Variants in PIGG observed in about 807,000 individuals in gnomAD.
PIGG encodes GPI ethanolamine phosphate transferase 2, catalytic subunit.
A neutral mutation model predicts 83.2 loss-of-function variants in PIGG; 70 were observed. The ratio of observed to expected loss-of-function variants is 0.84; its 90% CI spans 0.69 to 1.03. PIGG has a LOEUF of 1.03. Among genes scored for constraint, PIGG ranks in the 50% least tolerant of loss-of-function variants. The probability of loss-of-function intolerance (pLI) is 0.00; values close to 1 mark genes in which losing one functional copy is unlikely to be tolerated. For missense variants in PIGG, 1,257 were observed against 1,233.6 expected (o/e 1.02, Z -0.28); for synonymous variants, 532 against 519.5 (o/e 1.02, Z -0.33).
intron 6 of PIGG, among the ~76,000 whole-genome samples, chr4:520,119 C>A (rs1309695685): frequency 6.6e-6 from 1 of 152,242 alleles, no homozygotes; most frequent in African/African-American, 2.4e-5. Context: ...GCAGCTCTTT[C>A]ACTGCTGTGA....
Position 528,591 on chromosome 4 carries a change from C to T in PIGG, c.2261+1361C>T, listed in dbSNP as rs569758827. On this transcript the variant is annotated intron_variant, in intron 10 of 12. Coordinates refer to ENST00000453061, the MANE Select transcript of PIGG (RefSeq NM_001127178.3). This position sits in a 1 kb window ranked among gnomAD's most constrained non-coding sequence, Gnocchi z 4.8. ...GAGGATGCTGACGTGCAGGTACCAG[C>T]GGTGTTCTGTGGAGATGTCTCAAAG... The T allele has an allele frequency of 1.8e-5, 18 of 985,340 alleles. No individual in the cohort carries two copies. The East Asian group carries it at 1.7e-3, about 93-fold the overall frequency. 61.0% of individuals were successfully genotyped at this position (985,340 alleles called of 1,614,324 possible).
chr4:501,291 A>T (rs1214209293), intron 2 of PIGG: 12 of 372,538 alleles, frequency 3.2e-5, no homozygotes, highest in African/African-American at 2.5e-4. Flanking sequence ...GTCTTTAGAT[A>T]TACAGCCACT....
At chr4:510,846 T>C (rs1721647023) in intron 5 of PIGG, among the ~76,000 whole-genome samples, 1 of 151,836 alleles carries the variant, frequency 6.6e-6, no homozygotes, top group South Asian at 2.1e-4. Flanking sequence ...CCCAGTCTTC[T>C]CTCCCTCCCC....
intron 2 of PIGG, among the ~76,000 whole-genome samples, 158 bp downstream of exon 2, chr4:500,759 G>A (rs149166634): frequency 4.6e-5 from 7 of 152,282 alleles, no homozygotes; most frequent in South Asian, 2.1e-4. Context: ...AGCCTCACAC[G>A]GGATGGAACT....
rs779043705 is a variant in PIGG at position 521,274 on chromosome 4, G to A, written c.1332+1G>A. ...GGTGGGGACTGTCGTGGTTTTGGAG[G>A]TACAGATGCTCACACAGTCATGGCT... On this transcript the variant is annotated splice_donor_variant, in intron 7 of 12. Transcript: ENST00000453061. LOFTEE classifies it high-confidence loss of function. The A allele has an allele frequency of 1.2e-6, 2 of 1,604,400 alleles. No homozygotes were observed. Among genetic ancestry groups the A allele is most frequent in the South Asian group, 1.1e-5 (1 of 90,864 alleles).
chr4:507,632 T>C (rs1553880560), intron 4 of PIGG, 39 bp downstream of exon 4: 1 of 1,534,678 alleles, frequency 6.5e-7, no homozygotes. Flanking sequence ...TGATGTGGTT[T>C]CACGTGGATG....
At chr4:531,026 C>A (rs1481050135) in intron 11 of PIGG, 2 of 415,344 alleles carry the variant, frequency 4.8e-6, no homozygotes, top group South Asian at 8.5e-5. Context: ...ACAGACATCA[C>A]GTTGTTCACT....
chr4:521,950 G>C lies in PIGG; in HGVS notation c.1614+9G>C, dbSNP rs188737876. 9.7e-5 allele frequency: 156 copies of C among 1,613,728 alleles called. 1 individual carries two copies. Among genetic ancestry groups the C allele is most frequent in the Non-Finnish European group, 6.8e-5 (80 of 1,179,804 alleles). ...GAAACACCCCAAGGAAGGTACGTAC[G>C]GCTGGTTCCTGGGAGTGTGACGTAG... On this transcript the variant is annotated intron_variant, in intron 8 of 12. Transcript: ENST00000453061.
At chr4:512,707 C>A (rs1245481464) in intron 5 of PIGG, among the ~76,000 whole-genome samples, 23 of 151,896 alleles carry the variant, frequency 1.5e-4, no homozygotes, top group African/African-American at 5.5e-4. Flanking sequence ...CCCAGCTACT[C>A]AGGACGCTGA....
At chr4:505,615 A>T in intron 2 of PIGG, 103 bp from the exon 3 acceptor site, 1 of 775,090 alleles carries the variant, frequency 1.3e-6, no homozygotes, top group Non-Finnish European at 2.1e-6. Flanking sequence ...CCTGAGCAAC[A>T]GAGAGGGACC....
At position 505,713 on chromosome 4, in the gene PIGG, TGCA is replaced by T; in HGVS notation, c.361-3_361-1del. 6.2e-7 allele frequency: 1 copy of T among 1,611,518 alleles called. No homozygotes were observed. Among genetic ancestry groups the T allele is most frequent in the Non-Finnish European group, 8.5e-7 (1 of 1,178,052 alleles). On this transcript the variant is annotated splice_acceptor_variant and splice_polypyrimidine_tract_variant and intron_variant, in intron 2 of 12. Transcript: ENST00000453061. LOFTEE classifies it high-confidence loss of function. ...TGGCCTAATTCTTGCATTTTCTGACTGCAGGCATTGATGACGGGGAGCCTTCCT... is the reference window on the plus strand; with the variant it reads ...TGGCCTAATTCTTGCATTTTCTGACTGGCATTGATGACGGGGAGCCTTCCT...
intron 9 of PIGG, among the ~76,000 whole-genome samples, chr4:526,717 C>CTTTTT (rs34114111): frequency 7.3e-6 from 1 of 137,604 alleles, no homozygotes; most frequent in Non-Finnish European, 1.6e-5. Flanking sequence ...AGTTAACTGT[C>CTTTTT]TTTTTTTTTT....
chr4:507,756 A>C (rs556654902), intron 4 of PIGG, among the ~76,000 whole-genome samples, 163 bp downstream of exon 4: 9 of 152,330 alleles, frequency 5.9e-5, no homozygotes, highest in Middle Eastern at 3.4e-3. Flanking sequence ...CTCAGTGTCC[A>C]CTGCACTGAC....
intron 4 of PIGG, 140 bp downstream of exon 4, chr4:507,733 C>A (rs571375911): frequency 7.1e-6 from 5 of 702,986 alleles, no homozygotes; most frequent in African/African-American, 5.4e-5. Context: ...GCATGCCACA[C>A]GGGCAGCACT....
At position 521,855 on chromosome 4, in the gene PIGG, G is replaced by A. The variant is rs1560334774; in HGVS notation, c.1528G>A (p.Gly510Arg). The A allele has an allele frequency of 5.0e-6, 8 of 1,614,212 alleles. No individual in the cohort carries two copies. The East Asian group carries it at 1.6e-4, about 31-fold the overall frequency. Reference sequence around the variant, plus strand: ...TGGCCTCTCGTGGCTGGCGGCAGGTGGGGTGATGGTGCTGGCCTCGGCGCT... The same window carrying A: ...TGGCCTCTCGTGGCTGGCGGCAGGTAGGGTGATGGTGCTGGCCTCGGCGCT... ...FCGLSWLAAG[G>R]VMVLASALLC... The change falls in exon 8 of 13, where the codon GGG becomes AGG. Residue 510 changes from glycine (G) to arginine (R), a missense_variant. Gly to Arg is a moderately radical substitution (Grantham distance 125). Coordinates refer to ENST00000453061, the MANE Select transcript of PIGG (RefSeq NM_001127178.3).
Position 528,606 on chromosome 4 carries a change from A to C in PIGG, c.2261+1376A>C. The C allele has an allele frequency of 1.0e-6, 1 of 985,358 alleles. No homozygotes were observed. Among genetic ancestry groups the C allele is most frequent in the Non-Finnish European group, 1.2e-6 (1 of 829,912 alleles). The allele number at this position is 985,358 out of a possible 1,614,324, so 61.0% of individuals were successfully genotyped here. A position where few individuals can be genotyped will look rare whatever the true frequency, so the allele number is the denominator to read the frequency against. ...CAGGTACCAGCGGTGTTCTGTGGAG[A>C]TGTCTCAAAGGCTGTTGACTTTGGA... is the stretch of plus-strand genomic sequence containing the variant. On this transcript the variant is annotated intron_variant, in intron 10 of 12. Coordinates refer to ENST00000453061, the MANE Select transcript of PIGG (RefSeq NM_001127178.3). This position sits in a 1 kb window ranked among gnomAD's most constrained non-coding sequence, Gnocchi z 4.8.
At chr4:521,518 T>C in intron 7 of PIGG, 142 bp from the exon 8 acceptor site, 1 of 825,878 alleles carries the variant, frequency 1.2e-6, no homozygotes, top group Non-Finnish European at 1.9e-6. Flanking sequence ...TTGGGGCAGT[T>C]AATTAGGAAT....
rs80270036 is a variant in PIGG, at chr4:529,320, A to G, written c.2262-1116A>G. Among the ~76,000 whole-genome samples the G allele has an allele frequency of 6.6e-3, 1,009 of 152,066 alleles. 17 individuals are homozygous for G. The highest frequency in any genetic ancestry group is 0.023 in the African/African-American group (973 of 41,430). Reference sequence around the variant, plus strand: ...CTATAATTCACTCTTAACTTAGCACACACCTTGGCCTGTGGGGGTTGCCAG... The same window carrying G: ...CTATAATTCACTCTTAACTTAGCACGCACCTTGGCCTGTGGGGGTTGCCAG... On this transcript the variant is annotated intron_variant, in intron 10 of 12. Coordinates refer to ENST00000453061, the MANE Select transcript of PIGG (RefSeq NM_001127178.3).
At chr4:538,347 G>A (rs1038275589) in intron 12 of PIGG, among the ~76,000 whole-genome samples, 2 of 152,176 alleles carry the variant, frequency 1.3e-5, no homozygotes, top group Non-Finnish European at 2.9e-5. Context: ...ATACTTCGAG[G>A]GGTGGCTCTT....
Sources: gnomAD v4.1 joint callset for allele counts (sites outside exome capture counted in the v4.1 genomes callset) on GRCh38, gnomAD v4.1.1 for gene constraint, Gnocchi (gnomAD v3.1) non-coding constraint, MANE v1.5 for transcripts, NCBI Gene and HGNC (gene_info 2026-07-23, HGNC 2026-07-21) for gene names.